The following UVSSA variants were observed in gnomAD, a reference collection of about 807,000 sequenced individuals.
UVSSA encodes the protein UV-stimulated scaffold protein A.
Under a neutral mutation model 73.9 loss-of-function variants are expected in UVSSA, and 72 were observed. That is an observed-to-expected ratio of 0.97 (90% CI 0.81 to 1.19). UVSSA has a LOEUF of 1.19. Among genes scored for constraint, UVSSA ranks in the 50% most tolerant of loss-of-function variants. UVSSA has a pLI of 0.00. For missense variants in UVSSA, 1,150 were observed against 965.0 expected (o/e 1.19, Z -2.54); for synonymous variants, 454 against 391.3 (o/e 1.16, Z -1.89).
intron 7 of UVSSA, among the ~76,000 whole-genome samples, chr4:1,362,752 G>A (rs1716821442): frequency 6.6e-6 from 1 of 152,196 alleles, no homozygotes; most frequent in South Asian, 2.1e-4. Context: ...TGAACTGGAG[G>A]CGTGTGGGAC....
chr4:1,343,002 T>C (rs190131902), upstream of UVSSA, among the ~76,000 whole-genome samples: 206 of 152,338 alleles, frequency 1.4e-3, 1 homozygote, highest in Non-Finnish European at 2.2e-3. Context: ...TAAAATCAAC[T>C]CATCAGTGTC....
chr4:1,395,669 A>G, exon 14 of UVSSA: 4 of 1,274,268 alleles, frequency 3.1e-6, no homozygotes, highest in Non-Finnish European at 4.0e-6. Flanking sequence ...CTGCCTGCTC[A>G]CACACGTGCC....
Position 1,349,745 on chromosome 4 carries a change from A to G in UVSSA, c.320A>G (p.Gln107Arg). ...CTGCCGCCCCCCAGGGAGGCGGCAC[A>G]GAGGCTGAGGCAGGCGACCACCCGG... The part of the protein sequence containing the change: ...QPLPPPREAA[Q>R]RLRQATTRAV... Residue 107 changes from glutamine to arginine, a missense_variant, in exon 3 of 14, where the codon CAG becomes CGG. By Grantham distance (43) the Gln-to-Arg change is conservative. Transcript: ENST00000389851. 6.2e-7 allele frequency: 1 copy of G among 1,612,968 alleles called. No homozygotes were observed. Among genetic ancestry groups the G allele is most frequent in the East Asian group, 2.2e-5 (1 of 44,854 alleles).
At chr4:1,385,807 C>T in intron 13 of UVSSA, 61 bp from the exon 14 acceptor site, 1 of 1,584,292 alleles carries the variant, frequency 6.3e-7, no homozygotes, top group Non-Finnish European at 8.7e-7. Flanking sequence ...GATGCCGCCA[C>T]TGGGAGCCCA....
chr4:1,366,291 T>G, intron 7 of UVSSA, 29 bp from the exon 8 acceptor site: 7 of 1,533,158 alleles, frequency 4.6e-6, no homozygotes, highest in Non-Finnish European at 5.4e-6. Context: ...GGTCTGGGGG[T>G]TGATTTGTAT....
intron 8 of UVSSA, among the ~76,000 whole-genome samples, chr4:1,371,208 C>T (rs768051787): frequency 2.1e-4 from 32 of 152,032 alleles, no homozygotes; most frequent in Admixed American, 3.3e-4. Context: ...AAGGCCTGCA[C>T]GCTCTGCAGC....
At chr4:1,383,647 T>A in intron 12 of UVSSA, 119 bp from the exon 13 acceptor site, 1 of 1,240,890 alleles carries the variant, frequency 8.1e-7, no homozygotes, top group East Asian at 2.3e-5. Flanking sequence ...GGTACGGCCG[T>A]GGGCAAGGCG....
At chr4:1,366,272 C>T (rs777371047) in intron 7 of UVSSA, 48 bp from the exon 8 acceptor site, 1 of 1,448,372 alleles carries the variant, frequency 6.9e-7, no homozygotes, top group Admixed American at 2.0e-5. Flanking sequence ...GAGCTGTGTT[C>T]ATACACAGGG....
In UVSSA at chr4:1,366,348, A is replaced by T. The variant is rs1717322571; in HGVS notation, c.1205A>T (p.Asp402Val). ...GAAGCCCTGGGGGATGCGGAGGAAG[A>T]TGAGGACGATGAGGACTTTGTGGAG... The part of the protein sequence containing the change: ...RTEALGDAEE[D>V]EDDEDFVEVP... Residue 402 changes from aspartate (D) to valine (V), a missense_variant, in exon 8 of 14, where the codon GAT becomes GTT. Transcript: ENST00000389851. 2 of 1,612,892 alleles carry T rather than the reference A, an allele frequency of 1.2e-6. No individual in the cohort carries two copies. Among genetic ancestry groups the T allele is most frequent in the Non-Finnish European group, 1.7e-6 (2 of 1,179,366 alleles).
intron 13 of UVSSA, chr4:1,385,141 G>A (rs776341413): frequency 6.6e-6 from 1 of 152,362 alleles, no homozygotes; most frequent in Admixed American, 6.5e-5. Flanking sequence ...GGACACTGAA[G>A]CCCATGGCAG....
rs762894740 is a variant in UVSSA at position 1,353,086 on chromosome 4, C to G, written c.607C>G (p.Leu203Val). 1.2e-6 allele frequency: 2 copies of G among 1,613,044 alleles called. No homozygotes were observed. The highest frequency in any genetic ancestry group is 2.2e-5 in the South Asian group (2 of 91,088). The change falls in exon 5 of 14, where the codon CTG (leucine) becomes GTG (valine). Residue 203 changes from leucine (L) to valine (V), a missense_variant. Leu to Val is a conservative substitution (Grantham distance 32). Transcript: ENST00000389851. ...GGAGGTAGAGAGCTGCTTTAGGCTG[C>G]TGGTGCCTTTTGACTTTGACCCGAA... ...LTEVESCFRLLVPFDFDPNPE... is the reference protein window; with the variant it reads ...LTEVESCFRLVVPFDFDPNPE...
chr4:1,382,391 G>A (rs1007619470), intron 12 of UVSSA, among the ~76,000 whole-genome samples: 6 of 152,200 alleles, frequency 3.9e-5, no homozygotes, highest in South Asian at 2.1e-4. Context: ...ATTGATCCCC[G>A]CCTCCCTCGC....
intron 4 of UVSSA, 39 bp from the exon 5 acceptor site, chr4:1,352,991 C>T (rs1258425049): frequency 3.2e-6 from 5 of 1,568,590 alleles, no homozygotes; most frequent in Non-Finnish European, 2.6e-6. Context: ...GCTTTTGCTC[C>T]ACATAGCGCA....
upstream of UVSSA, among the ~76,000 whole-genome samples, chr4:1,346,173 A>G (rs908293798): frequency 4.6e-5 from 7 of 152,208 alleles, no homozygotes; most frequent in Non-Finnish European, 1.0e-4. Flanking sequence ...CTTTACTGAG[A>G]TATAACTCAC....
exon 14 of UVSSA, chr4:1,394,703 G>T (rs530770560): frequency 3.1e-6 from 5 of 1,594,686 alleles, no homozygotes; most frequent in Admixed American, 1.7e-5. Flanking sequence ...TGGAGTGCCC[G>T]CCTGCTCACA....
At chr4:1,363,616 C>T (rs1034616352) in intron 7 of UVSSA, among the ~76,000 whole-genome samples, 2 of 152,194 alleles carry the variant, frequency 1.3e-5, no homozygotes, top group Admixed American at 1.3e-4. Context: ...CCGTAATGCC[C>T]TGAAACCTTG....
At chr4:1,383,405 C>T (rs568581021) in intron 12 of UVSSA, among the ~76,000 whole-genome samples, 12 of 152,226 alleles carry the variant, frequency 7.9e-5, no homozygotes, top group East Asian at 3.9e-4. Flanking sequence ...ACCCCCCAAC[C>T]GCTGGCCTTA....
At chr4:1,375,328 G>T in intron 8 of UVSSA, 36 bp from the exon 9 acceptor site, 1 of 1,609,426 alleles carries the variant, frequency 6.2e-7, no homozygotes, top group Non-Finnish European at 8.5e-7. Context: ...CGGGTTGTGG[G>T]AGTGGTGGCA....
chr4:1,381,051 C>T (rs1719437740), intron 12 of UVSSA, 63 bp downstream of exon 12: 17 of 1,475,378 alleles, frequency 1.2e-5, no homozygotes, highest in Non-Finnish European at 1.4e-5. Flanking sequence ...CACTAGTGGC[C>T]CGGGGTGTGT....
Sources: allele counts gnomAD v4.1 joint callset (sites outside exome capture counted in the v4.1 genomes callset), GRCh38; gene constraint gnomAD v4.1.1; transcripts MANE v1.5; gene names NCBI Gene and HGNC (gene_info 2026-07-23, HGNC 2026-07-21).